FGGY: variants seen among roughly 807,000 people sequenced by gnomAD.
The protein encoded by FGGY is FGGY carbohydrate kinase domain containing.
In FGGY, 72 loss-of-function variants were observed where a neutral mutation model predicts 71.3. That is an observed-to-expected ratio of 1.01 (90% CI 0.84 to 1.23). The LOEUF is 1.23. FGGY is among the 50% of genes most tolerant of loss of function. FGGY has a pLI of 0.00. For synonymous variants in FGGY, 251 were observed against 250.3 expected, an observed-to-expected ratio of 1.00 and a Z score of -0.02; for missense variants, 668 against 682.3, an observed-to-expected ratio of 0.98 and a Z score of 0.23.
chr1:59,638,414 G>T (rs2096984083), intron 11 of FGGY, 39 bp downstream of exon 11: 1 of 1,605,606 alleles, frequency 6.2e-7, no homozygotes, highest in South Asian at 1.1e-5. Context: ...GTGAAGGCAG[G>T]CCAAAGGGCT....
At chr1:59,322,338 T>A (rs835411) in intron 2 of FGGY, among the ~76,000 whole-genome samples, 3,022 of 151,582 alleles carry the variant, frequency 0.02, 101 homozygotes, top group African/African-American at 0.07. Context: ...ACAGGTGGTG[T>A]TTGGTTACGT....
chr1:59,333,526 C>T (rs1570526420), intron 2 of FGGY, among the ~76,000 whole-genome samples: 1 of 152,166 alleles, frequency 6.6e-6, no homozygotes, highest in East Asian at 1.9e-4. Flanking sequence ...TTATATAACT[C>T]GGAAATAGTA....
chr1:59,573,456 A>G (rs963140213), intron 8 of FGGY, among the ~76,000 whole-genome samples: 9 of 152,138 alleles, frequency 5.9e-5, no homozygotes, highest in African/African-American at 2.2e-4. Flanking sequence ...GTGTGTGTAT[A>G]TATATGTTCA....
intron 9 of FGGY, among the ~76,000 whole-genome samples, chr1:59,619,072 T>C (rs868023794): frequency 3.1e-4 from 47 of 152,144 alleles, no homozygotes; most frequent in African/African-American, 1.1e-3. Flanking sequence ...CTTTGTTGCA[T>C]TGTAGGTATA....
chr1:59,748,619 C>T (rs1448691657), intron 14 of FGGY, among the ~76,000 whole-genome samples: 3 of 152,274 alleles, frequency 2.0e-5, no homozygotes, highest in African/African-American at 7.2e-5. Flanking sequence ...AGTTCTAGTC[C>T]ACCCTATGAC....
intron 1 of FGGY, among the ~76,000 whole-genome samples, chr1:59,319,983 G>A (rs997861008): frequency 6.6e-6 from 1 of 152,180 alleles, no homozygotes; most frequent in Non-Finnish European, 1.5e-5. Flanking sequence ...TATCACTGTT[G>A]AATGAATGAA....
At chr1:59,699,394 G>T (rs1186135543) in intron 14 of FGGY, 1 of 985,092 alleles carries the variant, frequency 1.0e-6, no homozygotes, top group Non-Finnish European at 1.2e-6. Context: ...TTTTCTTTTT[G>T]ACGGTTCAGG....
At chr1:59,568,470 G>T (rs543299146) in intron 8 of FGGY, among the ~76,000 whole-genome samples, 248 of 126,812 alleles carry the variant, frequency 2.0e-3, no homozygotes, top group Non-Finnish European at 3.3e-3. Context: ...GGGGCGGGGG[G>T]GGGTGTTCTT....
intron 4 of FGGY, among the ~76,000 whole-genome samples, chr1:59,369,120 C>T (rs1230763267): frequency 2.6e-5 from 4 of 152,192 alleles, no homozygotes; most frequent in Non-Finnish European, 5.9e-5. Context: ...CATTGCCTCA[C>T]TCGGAAAGCG....
At chr1:59,520,996 A>G (rs1022982068) in intron 7 of FGGY, among the ~76,000 whole-genome samples, 1 of 131,324 alleles carries the variant, frequency 7.6e-6, no homozygotes, top group African/African-American at 2.9e-5. Context: ...GAGAGAGAAT[A>G]TGGATCCAAA....
chr1:59,558,559 G>A (rs1370495801), intron 8 of FGGY, among the ~76,000 whole-genome samples: 1 of 152,132 alleles, frequency 6.6e-6, no homozygotes, highest in African/African-American at 2.4e-5. Context: ...GCAAAAAGGA[G>A]AACAGAGATC....
At chr1:59,742,887 C>A (rs2101420358) in intron 14 of FGGY, among the ~76,000 whole-genome samples, 1 of 152,358 alleles carries the variant, frequency 6.6e-6, no homozygotes, top group East Asian at 1.9e-4. Context: ...CTCACCTGGA[C>A]TGCTCCAAAG....
At chr1:59,719,886 G>A (rs1389504946) in intron 14 of FGGY, among the ~76,000 whole-genome samples, 1 of 152,164 alleles carries the variant, frequency 6.6e-6, no homozygotes, top group Non-Finnish European at 1.5e-5. Flanking sequence ...GATTGAGTGT[G>A]GCATGCATCA....
chr1:59,324,263 C>T (rs1045468057), intron 2 of FGGY, among the ~76,000 whole-genome samples: 1 of 137,044 alleles, frequency 7.3e-6, no homozygotes, highest in African/African-American at 2.7e-5. Flanking sequence ...CTTATAATAA[C>T]TACTTTTTTT....
At chr1:59,368,131 G>A (rs983582247) in intron 4 of FGGY, among the ~76,000 whole-genome samples, 3 of 152,188 alleles carry the variant, frequency 2.0e-5, no homozygotes, top group African/African-American at 7.2e-5. Flanking sequence ...ACTCTATTAG[G>A]CCATCACCTA....
intron 7 of FGGY, among the ~76,000 whole-genome samples, chr1:59,537,455 T>C (rs1442576297): frequency 5.3e-5 from 8 of 152,152 alleles, no homozygotes; most frequent in African/African-American, 1.9e-4. Flanking sequence ...GCCATCCCCA[T>C]CAAGCTACCA....
intron 10 of FGGY, among the ~76,000 whole-genome samples, chr1:59,631,266 G>A (rs1278483555): frequency 6.6e-6 from 1 of 151,894 alleles, no homozygotes; most frequent in African/African-American, 2.4e-5. Context: ...TAGCTTCCTG[G>A]CCCTCTTCTC....
At chr1:59,504,053 C>T (rs538390822) in intron 6 of FGGY, among the ~76,000 whole-genome samples, 3 of 152,028 alleles carry the variant, frequency 2.0e-5, no homozygotes, top group South Asian at 2.1e-4. Flanking sequence ...GCTTTTTGTC[C>T]AATCATATTT....
At chr1:59,313,244 C>A (rs1369191214) in intron 1 of FGGY, among the ~76,000 whole-genome samples, 1 of 152,162 alleles carries the variant, frequency 6.6e-6, no homozygotes, top group Non-Finnish European at 1.5e-5. Flanking sequence ...CCAAAGGTCC[C>A]ACTTTTTAAT....
Sources: allele counts gnomAD v4.1 joint callset (sites outside exome capture counted in the v4.1 genomes callset), GRCh38; gene constraint gnomAD v4.1.1; transcripts MANE v1.5; gene names NCBI Gene and HGNC (gene_info 2026-07-23, HGNC 2026-07-21).